Variants in METTL15 observed in about 807,000 individuals in gnomAD.
The protein encoded by METTL15 is methyltransferase 15, mitochondrial 12S rRNA N4-cytidine, also known as 12S rRNA N(4)-cytidine methyltransferase METTL15.
METTL15 carries 34 observed loss-of-function variants against 38.3 expected under a neutral mutation model. The observed-to-expected ratio is 0.89, with a 90% CI of 0.68 to 1.18. The LOEUF (loss-of-function observed/expected upper bound fraction) is 1.18, where lower values mean the gene tolerates loss of function less well. Ranked by LOEUF, METTL15 falls within the 50% of genes most tolerant of loss-of-function variation. METTL15 has a pLI of 0.00. For missense variants in METTL15, 438 were observed against 498.4 expected, an observed-to-expected ratio of 0.88 and a Z score of 1.15; for synonymous variants, 162 against 170.9, an observed-to-expected ratio of 0.95 and a Z score of 0.41.
In METTL15 at chr11:28,320,672, A is replaced by G. The variant is rs148329844; in HGVS notation, c.779-9724A>G. 4.3e-3 allele frequency among the ~76,000 whole-genome samples: 659 copies of G among 152,286 alleles called. 8 individuals carry two copies. Among genetic ancestry groups the G allele is most frequent in the African/African-American group, 0.014 (596 of 41,566 alleles). On this transcript the variant is annotated intron_variant, in intron 6 of 6. Coordinates refer to ENST00000407364, the MANE Select transcript of METTL15 (RefSeq NM_001113528.2). Reference sequence around the variant, plus strand: ...TGCATTCTTAAAATGCCCAAATACAAGTTGTATATCTCAGGTGGCAAGAGA... The same window carrying G: ...TGCATTCTTAAAATGCCCAAATACAGGTTGTATATCTCAGGTGGCAAGAGA...
chr11:28,499,019 A>G (rs748868017), intron 6 of METTL15, among the ~76,000 whole-genome samples: 1 of 152,188 alleles, frequency 6.6e-6, no homozygotes, highest in Admixed American at 6.5e-5. Flanking sequence ...ATGATCATGG[A>G]CAAGCTATTG....
At chr11:28,188,866 A>C (rs1241555429) in intron 3 of METTL15, among the ~76,000 whole-genome samples, 4 of 151,286 alleles carry the variant, frequency 2.6e-5, no homozygotes, top group Non-Finnish European at 5.9e-5. Flanking sequence ...TAACATAATA[A>C]TGTTTATTTC....
At chr11:28,122,383 A>G (rs925706171) in intron 3 of METTL15, among the ~76,000 whole-genome samples, 2 of 149,908 alleles carry the variant, frequency 1.3e-5, no homozygotes, top group African/African-American at 4.9e-5. Context: ...ATATATATAT[A>G]TATATAGTCT....
chr11:28,219,954 A>C (rs905769488), intron 4 of METTL15, among the ~76,000 whole-genome samples: 3 of 152,108 alleles, frequency 2.0e-5, no homozygotes, highest in African/African-American at 7.2e-5. Flanking sequence ...GTTCTTTAAC[A>C]TTTGCTGATG....
chr11:28,364,359 A>C (rs1009265554), intron 5 of METTL15, among the ~76,000 whole-genome samples: 1 of 152,112 alleles, frequency 6.6e-6, no homozygotes, highest in Non-Finnish European at 1.5e-5. Context: ...GATTTCTTTC[A>C]GCAGTGTTTT....
At chr11:28,164,350 G>A (rs1013529876) in intron 3 of METTL15, among the ~76,000 whole-genome samples, 2 of 151,942 alleles carry the variant, frequency 1.3e-5, no homozygotes, top group African/African-American at 4.8e-5. Flanking sequence ...AGTACCTTAT[G>A]ACCACTGTTT....
At chr11:28,345,383 T>A (rs1326032966) in intron 3 of METTL15, among the ~76,000 whole-genome samples, 3 of 151,864 alleles carry the variant, frequency 2.0e-5, no homozygotes, top group African/African-American at 7.3e-5. Flanking sequence ...AGAGACGGGG[T>A]TTCACCATGT....
intron 6 of METTL15, among the ~76,000 whole-genome samples, chr11:28,442,767 C>T (rs886939082): frequency 5.3e-5 from 8 of 152,184 alleles, no homozygotes; most frequent in African/African-American, 9.6e-5. Context: ...ATATTATTTA[C>T]GTTGGTTTTC....
At chr11:28,244,931 A>G (rs184384465) in intron 4 of METTL15, among the ~76,000 whole-genome samples, 82 of 152,262 alleles carry the variant, frequency 5.4e-4, no homozygotes, top group South Asian at 1.2e-3. Context: ...AATATCTTCT[A>G]TTGGCTGACC....
chr11:28,174,720 C>T lies in METTL15; in HGVS notation c.271-36342C>T, dbSNP rs992807766. On this transcript the variant is annotated intron_variant, in intron 3 of 6. Transcript: ENST00000407364. ...GTCCCAGCTACTCAGGAGGCTGAGGCGGGAGAATGGTATGAAGCCGGGGGG... is the reference window on the plus strand; with the variant it reads ...GTCCCAGCTACTCAGGAGGCTGAGGTGGGAGAATGGTATGAAGCCGGGGGG... Among the ~76,000 whole-genome samples the T allele has an allele frequency of 4.7e-5, 7 of 148,258 alleles. No individual in the cohort carries two copies. In the East Asian group the frequency reaches 6.1e-4, roughly 13 times the overall value.
chr11:28,279,474 G>T (rs1214609340), intron 4 of METTL15, among the ~76,000 whole-genome samples: 1 of 152,014 alleles, frequency 6.6e-6, no homozygotes, highest in African/African-American at 2.4e-5. Context: ...CCTATTCTAT[G>T]TTCCTTTTTC....
chr11:28,498,548 T>C (rs1590395052), intron 6 of METTL15, among the ~76,000 whole-genome samples: 1 of 152,212 alleles, frequency 6.6e-6, no homozygotes, highest in African/African-American at 2.4e-5. Flanking sequence ...CAACTATCTT[T>C]GCAATTGTAA....
intron 3 of METTL15, among the ~76,000 whole-genome samples, chr11:28,339,579 G>A (rs1204892326): frequency 6.7e-6 from 1 of 148,954 alleles, no homozygotes; most frequent in Non-Finnish European, 1.5e-5. Flanking sequence ...AAAATGAGAA[G>A]TCTAACTCAG....
intron 6 of METTL15, among the ~76,000 whole-genome samples, chr11:28,432,709 C>T (rs963174762): frequency 6.6e-6 from 1 of 152,122 alleles, no homozygotes; most frequent in Non-Finnish European, 1.5e-5. Flanking sequence ...TTATGAATTC[C>T]ATTGTCAAAG....
chr11:28,478,016 T>G (rs1316199353), intron 6 of METTL15, among the ~76,000 whole-genome samples: 1 of 152,182 alleles, frequency 6.6e-6, no homozygotes, highest in Non-Finnish European at 1.5e-5. Context: ...AAGTTCTCTT[T>G]TCAAAATTGT....
chr11:28,364,964 G>T (rs1850172096), intron 5 of METTL15, among the ~76,000 whole-genome samples: 1 of 152,128 alleles, frequency 6.6e-6, no homozygotes, highest in Admixed American at 6.5e-5. Context: ...ATGAGCTTTT[G>T]TGGTGAATCA....
At chr11:28,244,476 AT>A (rs1220404703) in intron 4 of METTL15, among the ~76,000 whole-genome samples, 1 of 151,846 alleles carries the variant, frequency 6.6e-6, no homozygotes, top group Admixed American at 6.6e-5. Context: ...TTCTTTTTTA[AT>A]TTGTGTTTGT....
At chr11:28,137,483 C>T (rs1005325809) in intron 3 of METTL15, among the ~76,000 whole-genome samples, 10 of 152,282 alleles carry the variant, frequency 6.6e-5, no homozygotes, top group Non-Finnish European at 8.8e-5. Flanking sequence ...TAAAGGCTGG[C>T]AAGTTGTTTT....
At chr11:28,503,560 A>G (rs1851601742) in intron 6 of METTL15, among the ~76,000 whole-genome samples, 2 of 152,118 alleles carry the variant, frequency 1.3e-5, no homozygotes, top group Non-Finnish European at 2.9e-5. Flanking sequence ...TGGGAGGCCA[A>G]GGCAGGTGGA....
Sources: allele counts gnomAD v4.1 joint callset (sites outside exome capture counted in the v4.1 genomes callset), GRCh38; gene constraint gnomAD v4.1.1; transcripts MANE v1.5; gene names NCBI Gene and HGNC (gene_info 2026-07-23, HGNC 2026-07-21).